Variants in MYO3A observed in about 807,000 individuals in gnomAD.
MYO3A encodes the protein myosin-IIIa.
MYO3A carries 180 observed loss-of-function variants against 192.7 expected under a neutral mutation model. The observed-to-expected ratio is 0.93, with a 90% CI of 0.83 to 1.06. MYO3A has a LOEUF of 1.06. Among genes scored for constraint, MYO3A ranks in the 50% least tolerant of loss-of-function variants. The pLI is 0.00. For missense variants in MYO3A, 1,896 were observed against 1,905.0 expected (o/e 1.00, Z 0.09); for synonymous variants, 628 against 645.3 (o/e 0.97, Z 0.41).
chr10:26,157,457 G>A lies in MYO3A; in HGVS notation c.2941G>A (p.Ala981Thr), dbSNP rs748884808. ...QLRYTGILET[A>T]RIRRLGFSHR... ...TCGGTACACAGGAATTCTGGAAACA[G>A]CAAGAATTCGAAGACTAGGATTCTC... The change falls in exon 26 of 35, where the codon GCA (alanine) becomes ACA (threonine). Residue 981 changes from alanine (A) to threonine (T), a missense_variant. Physicochemically the swap from Ala to Thr is moderately conservative, Grantham distance 58. Transcript: ENST00000642920. 6.2e-7 allele frequency: 1 copy of A among 1,614,132 alleles called. No homozygotes were observed. The highest frequency in any genetic ancestry group is 1.1e-5 in the South Asian group (1 of 91,082).
intron 11 of MYO3A, among the ~76,000 whole-genome samples, chr10:26,067,826 T>C (rs1834946892): frequency 6.9e-6 from 1 of 144,208 alleles, no homozygotes; most frequent in Admixed American, 7.0e-5. Context: ...TCCTGCCTGA[T>C]GAACACCTTT....
At chr10:26,098,113 C>A (rs1231907140) in intron 17 of MYO3A, among the ~76,000 whole-genome samples, 1 of 152,170 alleles carries the variant, frequency 6.6e-6, no homozygotes, top group African/African-American at 2.4e-5. Context: ...ACCATTCTAA[C>A]TGGTGTGAGA....
chr10:26,095,715 CA>C (rs1164308758), intron 15 of MYO3A, among the ~76,000 whole-genome samples: 1 of 152,164 alleles, frequency 6.6e-6, no homozygotes, highest in Non-Finnish European at 1.5e-5. Context: ...ATTATTGCAG[CA>C]TCTGGAAAAT....
intron 15 of MYO3A, among the ~76,000 whole-genome samples, chr10:26,093,176 T>C (rs965265466): frequency 1.3e-5 from 2 of 152,188 alleles, no homozygotes; most frequent in African/African-American, 4.8e-5. Flanking sequence ...GTACAATTAG[T>C]GTACATTGTG....
chr10:26,191,291 T>G (rs898531982), intron 31 of MYO3A, among the ~76,000 whole-genome samples: 1 of 152,188 alleles, frequency 6.6e-6, no homozygotes, highest in African/African-American at 2.4e-5. Context: ...TTTATGATGG[T>G]GGCAAGAATT....
chr10:26,154,646 G>A, intron 24 of MYO3A, 100 bp from the exon 25 acceptor site: 1 of 1,016,328 alleles, frequency 9.8e-7, no homozygotes, highest in South Asian at 1.4e-5. Context: ...ATATTTGAAT[G>A]CATAAACTAA....
At chr10:26,208,397 A>G (rs1341820917) in intron 34 of MYO3A, among the ~76,000 whole-genome samples, 1 of 152,156 alleles carries the variant, frequency 6.6e-6, no homozygotes, top group Non-Finnish European at 1.5e-5. Flanking sequence ...AAAGCCTAAG[A>G]TTTGAGCCCT....
intron 31 of MYO3A, among the ~76,000 whole-genome samples, chr10:26,184,735 T>C (rs1242538198): frequency 6.6e-6 from 1 of 152,218 alleles, no homozygotes; most frequent in East Asian, 1.9e-4. Flanking sequence ...TTCTGGCTAC[T>C]GAATACAGCA....
intron 18 of MYO3A, among the ~76,000 whole-genome samples, 170 bp downstream of exon 18, chr10:26,120,972 T>A (rs1838828530): frequency 6.6e-6 from 1 of 152,138 alleles, no homozygotes; most frequent in Non-Finnish European, 1.5e-5. Flanking sequence ...ACTTAAAACA[T>A]CTTCATGCTT....
chr10:26,155,365 A>G (rs1469356666), intron 25 of MYO3A, among the ~76,000 whole-genome samples: 1 of 152,212 alleles, frequency 6.6e-6, no homozygotes, highest in Non-Finnish European at 1.5e-5. Flanking sequence ...TTCCTTGGGC[A>G]ATGTAGGATA....
intron 10 of MYO3A, among the ~76,000 whole-genome samples, chr10:26,050,113 C>T (rs772462535): frequency 6.6e-6 from 1 of 151,956 alleles, no homozygotes; most frequent in Admixed American, 6.6e-5. Flanking sequence ...ACATGCATTA[C>T]TTTTATAATT....
At chr10:26,081,133 TCCC>T (rs60099269) in intron 14 of MYO3A, among the ~76,000 whole-genome samples, 1 of 84,940 alleles carries the variant, frequency 1.2e-5, no homozygotes, top group Non-Finnish European at 2.5e-5. Flanking sequence ...TATATGCCCT[TCCC>T]CCCCCCCCCG....
At chr10:26,081,215 A>G (rs1835936590) in intron 14 of MYO3A, among the ~76,000 whole-genome samples, 1 of 139,002 alleles carries the variant, frequency 7.2e-6, no homozygotes, top group East Asian at 2.2e-4. Flanking sequence ...CTGAGTTCAG[A>G]CTCTCCTTGG....
At chr10:26,105,525 G>T (rs1187782224) in intron 17 of MYO3A, among the ~76,000 whole-genome samples, 1 of 151,906 alleles carries the variant, frequency 6.6e-6, no homozygotes, top group Non-Finnish European at 1.5e-5. Context: ...ATTTATATAT[G>T]TTGCCCCTTT....
chr10:26,204,669 C>G lies in MYO3A; in HGVS notation c.4730+1562C>G, dbSNP rs1348848392. Among the ~76,000 whole-genome samples the G allele has an allele frequency of 2.0e-5, 3 of 152,160 alleles. No homozygotes were observed. In the East Asian group the frequency reaches 5.8e-4, roughly 29 times the overall value. On this transcript the variant is annotated intron_variant, in intron 34 of 34. Coordinates refer to ENST00000642920, the MANE Select transcript of MYO3A (RefSeq NM_017433.5). Reference sequence around the variant, plus strand: ...CACCTAGATGATAAGTTCATGGAGCCAGAATTTCTAAGTTTAGAGTTGATG... The same window carrying G: ...CACCTAGATGATAAGTTCATGGAGCGAGAATTTCTAAGTTTAGAGTTGATG...
At chr10:26,081,692 C>A (rs2131466609) in intron 14 of MYO3A, among the ~76,000 whole-genome samples, 2 of 152,318 alleles carry the variant, frequency 1.3e-5, no homozygotes, top group South Asian at 4.1e-4. Flanking sequence ...TGGTGCCAGG[C>A]AGGAGTGGCC....
intron 6 of MYO3A, 57 bp from the exon 7 acceptor site, chr10:26,016,763 G>A (rs1842006049): frequency 6.6e-7 from 1 of 1,507,580 alleles, no homozygotes; most frequent in Non-Finnish European, 9.2e-7. Flanking sequence ...TATAGCAATT[G>A]AAAGCTCTTT....
chr10:26,019,702 A>G (rs988756651), intron 7 of MYO3A, among the ~76,000 whole-genome samples: 2 of 152,242 alleles, frequency 1.3e-5, no homozygotes, highest in East Asian at 1.9e-4. Context: ...GGGTTCATCC[A>G]TGTAGAAGCA....
intron 31 of MYO3A, 135 bp downstream of exon 31, chr10:26,176,980 C>A (rs906576962): frequency 2.0e-6 from 2 of 1,021,832 alleles, no homozygotes; most frequent in Non-Finnish European, 2.9e-6. Context: ...TATTTCATTT[C>A]TTATATGGAG....
Sources: allele counts gnomAD v4.1 joint callset (sites outside exome capture counted in the v4.1 genomes callset), GRCh38; gene constraint gnomAD v4.1.1; transcripts MANE v1.5; gene names NCBI Gene and HGNC (gene_info 2026-07-23, HGNC 2026-07-21).